FBLN1: variants seen among roughly 807,000 people sequenced by gnomAD.
FBLN1 encodes the protein fibulin 1.
A neutral mutation model predicts 89.7 loss-of-function variants in FBLN1; 34 were observed. That is an observed-to-expected ratio of 0.38 (90% CI 0.29 to 0.50). The LOEUF is 0.50. Among genes scored for constraint, FBLN1 ranks in the 20% least tolerant of loss-of-function variants. The probability of loss-of-function intolerance (pLI) is 0.92; values close to 1 mark genes in which losing one functional copy is unlikely to be tolerated. For missense variants in FBLN1, 777 were observed against 988.1 expected, an observed-to-expected ratio of 0.79 and a Z score of 2.86; for synonymous variants, 393 against 391.3, an observed-to-expected ratio of 1.00 and a Z score of -0.05.
rs2089123707 is a variant in FBLN1, at chr22:45,590,153, G to T, written c.1973-10154G>T. ...TGTCAGATAGAGAAGAGAGGGCTCTGCTCTGACCTGCAGGCCTGGGGCTCA... is the reference window on the plus strand; with the variant it reads ...TGTCAGATAGAGAAGAGAGGGCTCTTCTCTGACCTGCAGGCCTGGGGCTCA... On this transcript the variant is annotated intron_variant, in intron 16 of 16. Coordinates refer to ENST00000327858, the MANE Select transcript of FBLN1 (RefSeq NM_006486.3). This position sits in a 1 kb window ranked among gnomAD's most constrained non-coding sequence, Gnocchi z 4.1. 6.6e-6 allele frequency among the ~76,000 whole-genome samples: 1 copy of T among 152,208 alleles called. No homozygotes were observed. Among genetic ancestry groups the T allele is most frequent in the Non-Finnish European group, 1.5e-5 (1 of 68,030 alleles).
chr22:45,533,651 C>A (rs918497585), intron 6 of FBLN1, 110 bp from the exon 7 acceptor site: 6 of 1,300,986 alleles, frequency 4.6e-6, no homozygotes, highest in Non-Finnish European at 6.6e-6. Context: ...GCTCAGTTTG[C>A]GAGGGTGCAG....
intron 16 of FBLN1, among the ~76,000 whole-genome samples, chr22:45,589,086 T>A (rs1464324718): frequency 7.8e-5 from 9 of 115,112 alleles, no homozygotes; most frequent in East Asian, 5.9e-4. Flanking sequence ...AAAATATTTT[T>A]TATATATATA....
chr22:45,592,049 G>A (rs1406067522), intron 16 of FBLN1, among the ~76,000 whole-genome samples: 1 of 152,220 alleles, frequency 6.6e-6, no homozygotes, highest in Non-Finnish European at 1.5e-5. Flanking sequence ...GTAGTGGGAT[G>A]GGAAGATCTG....
At chr22:45,600,080 A>G (rs553078528) in intron 16 of FBLN1, among the ~76,000 whole-genome samples, 2 of 152,358 alleles carry the variant, frequency 1.3e-5, no homozygotes, top group East Asian at 3.9e-4. Context: ...CTGTCCCAGC[A>G]AGTAGTGAGT....
At chr22:45,568,487 G>T (rs1569260055) in intron 14 of FBLN1, among the ~76,000 whole-genome samples, 72 of 118,900 alleles carry the variant, frequency 6.1e-4, no homozygotes, top group African/African-American at 2.4e-3. Flanking sequence ...GTAGGGGAAT[G>T]CCTCTTCTGT....
rs1055123732 is a variant in FBLN1 at position 45,556,227 on chromosome 22, C to T, written c.1697+5612C>T. ...GTCAGGCTGGTCTTGAGCTCCTGAC[C>T]TCAAGTGATCCTCCCGCCTCGGCCT... On this transcript the variant is annotated intron_variant, in intron 14 of 16. Transcript: ENST00000327858. This position sits in a 1 kb window ranked among gnomAD's most constrained non-coding sequence, Gnocchi z 4.6. Among the ~76,000 whole-genome samples the T allele has an allele frequency of 6.6e-5, 10 of 152,154 alleles. No homozygotes were observed. Among genetic ancestry groups the T allele is most frequent in the African/African-American group, 2.4e-4 (10 of 41,434 alleles).
At position 45,547,207 on chromosome 22, in the gene FBLN1, G is replaced by A. The variant is rs185931186; in HGVS notation, c.1441+3G>A. 1 of 1,613,700 alleles carries A rather than the reference G, an allele frequency of 6.2e-7. No individual in the cohort carries two copies. The highest frequency in any genetic ancestry group is 8.5e-7 in the Non-Finnish European group (1 of 1,179,992). On this transcript the variant is annotated splice_donor_region_variant and intron_variant, in intron 12 of 16. Coordinates refer to ENST00000327858, the MANE Select transcript of FBLN1 (RefSeq NM_006486.3). ...TGTGGATGGAGTCACCTGTGAAGGT[G>A]CGGACGCCCCTGCCTGCTGAGGGGG...
chr22:45,584,614 G>T (rs1454886796), intron 16 of FBLN1, among the ~76,000 whole-genome samples: 2 of 152,208 alleles, frequency 1.3e-5, no homozygotes, highest in Admixed American at 1.3e-4. Flanking sequence ...GCCCTGCAGG[G>T]TAATAGGGAC....
rs1048345368 is a variant in FBLN1, at chr22:45,563,536, G to A, written c.1698-10975G>A. ...GTTCACAGAGCCCACTGTCTGTGCC[G>A]ACAGGGAGGCCAGGCCGGGTACATC... On this transcript the variant is annotated intron_variant, in intron 14 of 16. Coordinates refer to ENST00000327858, the MANE Select transcript of FBLN1 (RefSeq NM_006486.3). This position sits in a 1 kb window ranked among gnomAD's most constrained non-coding sequence, Gnocchi z 5.7. Among the ~76,000 whole-genome samples the A allele has an allele frequency of 1.3e-5, 2 of 152,216 alleles. No individual in the cohort carries two copies. The highest frequency in any genetic ancestry group is 1.9e-4 in the East Asian group (1 of 5,190).
chr22:45,532,883 G>A lies in FBLN1; in HGVS notation c.545-180G>A, dbSNP rs561951734. ...CCTGAAGCAGCAGCCCCTGGGGGGT[G>A]TCCAGAGCCAGAGCCTGGGGGTCTC... On this transcript the variant is annotated intron_variant, in intron 5 of 16. Coordinates refer to ENST00000327858, the MANE Select transcript of FBLN1 (RefSeq NM_006486.3). The surrounding 1 kb of genome is among the most constrained non-coding windows in gnomAD (Gnocchi z 4.2). The A allele has an allele frequency of 1.6e-5, 10 of 644,976 alleles. No homozygotes were observed. Among genetic ancestry groups the A allele is most frequent in the East Asian group, 2.7e-5 (1 of 36,630 alleles). The allele number at this position is 644,976 out of a possible 1,614,324, so 40.0% of individuals were successfully genotyped here.
chr22:45,529,347 G>GC (rs1190207768), intron 4 of FBLN1, among the ~76,000 whole-genome samples: 8 of 152,298 alleles, frequency 5.3e-5, no homozygotes, highest in South Asian at 4.1e-4. Context: ...TCAGCTGTGT[G>GC]CCCCCCCGTT....
In FBLN1 at chr22:45,535,326, G is replaced by T. The variant is rs758669185; in HGVS notation, c.911G>T (p.Gly304Val). The T allele has an allele frequency of 2.5e-6, 4 of 1,614,182 alleles. No individual in the cohort carries two copies. The highest frequency in any genetic ancestry group is 1.1e-5 in the South Asian group (1 of 91,086). Residue 304 changes from glycine to valine, a missense_variant, in exon 8 of 17, where the codon GGC becomes GTC. By Grantham distance (109) the Gly-to-Val change is moderately radical. Coordinates refer to ENST00000327858, the MANE Select transcript of FBLN1 (RefSeq NM_006486.3). ...AGTGGCTTTATACAAGATGCTCTAG[G>T]CAACTGTATTGGTAAGAGGTGTGCC... ...CKSGFIQDAL[G>V]NCIDINECLS...
At chr22:45,548,766 G>A (rs780856849) in intron 13 of FBLN1, 22 bp downstream of exon 13, 10 of 1,611,590 alleles carry the variant, frequency 6.2e-6, no homozygotes. Flanking sequence ...GGATGCCCTG[G>A]GGTCCCTCAC....
At chr22:45,523,349 C>T (rs2088276616) in intron 2 of FBLN1, 1 of 522,310 alleles carries the variant, frequency 1.9e-6, no homozygotes, top group Non-Finnish European at 3.5e-6. Flanking sequence ...CCTGAGGCAG[C>T]TGGACACCCT....
chr22:45,577,384 G>A lies in FBLN1; in HGVS notation c.1972+276G>A, dbSNP rs554035181. On this transcript the variant is annotated intron_variant, in intron 16 of 16. Coordinates refer to ENST00000327858, the MANE Select transcript of FBLN1 (RefSeq NM_006486.3). The surrounding 1 kb of genome is among the most constrained non-coding windows in gnomAD (Gnocchi z 6.6). ...GGTCTCCCTGCCTATAACATGGGTG[G>A]GTTCCAGAGAGCGCTGCGCCTCACA... is the stretch of plus-strand genomic sequence containing the variant. 6.6e-6 allele frequency among the ~76,000 whole-genome samples: 1 copy of A among 152,330 alleles called. No homozygotes were observed. The highest frequency in any genetic ancestry group is 1.5e-5 in the Non-Finnish European group (1 of 68,030).
intron 1 of FBLN1, among the ~76,000 whole-genome samples, chr22:45,510,986 A>G (rs996602296): frequency 5.3e-5 from 8 of 152,194 alleles, no homozygotes; most frequent in African/African-American, 1.9e-4. Flanking sequence ...CGTGTTGGCC[A>G]TCGGGCACCG....
At chr22:45,591,641 G>C (rs1156459257) in intron 16 of FBLN1, among the ~76,000 whole-genome samples, 1 of 152,112 alleles carries the variant, frequency 6.6e-6, no homozygotes, top group Non-Finnish European at 1.5e-5. Context: ...GCGTTTCTCA[G>C]CCAAGCAGAG....
At chr22:45,507,849 G>A (rs914183102) in intron 1 of FBLN1, among the ~76,000 whole-genome samples, 13 of 152,116 alleles carry the variant, frequency 8.5e-5, no homozygotes, top group African/African-American at 3.1e-4. Flanking sequence ...TTTGGATCCT[G>A]TTACCCACTG....
chr22:45,599,874 GCCATTGCACT>G (rs1423710704), intron 16 of FBLN1, among the ~76,000 whole-genome samples: 1 of 152,168 alleles, frequency 6.6e-6, no homozygotes, highest in Non-Finnish European at 1.5e-5. Context: ...CCGAGATCAC[GCCATTGCACT>G]CCAGCCTGGG....
Sources: allele counts gnomAD v4.1 joint callset (sites outside exome capture counted in the v4.1 genomes callset), GRCh38; gene constraint gnomAD v4.1.1; non-coding constraint Gnocchi (gnomAD v3.1); transcripts MANE v1.5; gene names NCBI Gene and HGNC (gene_info 2026-07-23, HGNC 2026-07-21).